Variants in KCNIP4 observed in about 807,000 individuals in gnomAD.
The protein encoded by KCNIP4 is Kv channel-interacting protein 4.
A neutral mutation model predicts 34.0 loss-of-function variants in KCNIP4; 12 were observed. The ratio of observed to expected loss-of-function variants is 0.35; its 90% CI spans 0.23 to 0.57. KCNIP4 has a LOEUF of 0.57. KCNIP4 is among the 20% of genes least tolerant of loss of function. The probability of loss-of-function intolerance (pLI) is 0.83; values close to 1 mark genes in which losing one functional copy is unlikely to be tolerated. For missense variants in KCNIP4, 238 were observed against 311.7 expected, an observed-to-expected ratio of 0.76 and a Z score of 1.78; for synonymous variants, 124 against 102.2, an observed-to-expected ratio of 1.21 and a Z score of -1.29.
At chr4:21,597,819 T>C (rs1481069603) in intron 1 of KCNIP4, among the ~76,000 whole-genome samples, 2 of 152,082 alleles carry the variant, frequency 1.3e-5, no homozygotes, top group Non-Finnish European at 2.9e-5. Context: ...GGATATTGTG[T>C]TTTTCCAGAG....
chr4:21,201,848 C>T (rs1577880026), intron 1 of KCNIP4, among the ~76,000 whole-genome samples: 2 of 152,212 alleles, frequency 1.3e-5, no homozygotes, highest in Non-Finnish European at 2.9e-5. Context: ...TTATCCTTCA[C>T]ACAATAAATA....
intron 1 of KCNIP4, among the ~76,000 whole-genome samples, chr4:21,024,234 A>G (rs922304222): frequency 5.3e-5 from 8 of 152,218 alleles, no homozygotes; most frequent in African/African-American, 1.9e-4. Flanking sequence ...TTGCGACGTC[A>G]TTAGCTAGTA....
At chr4:21,919,622 T>C (rs1476102340) in intron 1 of KCNIP4, among the ~76,000 whole-genome samples, 2 of 152,182 alleles carry the variant, frequency 1.3e-5, no homozygotes, top group Non-Finnish European at 2.9e-5. Flanking sequence ...TGAGTCTATC[T>C]AGATAAATCA....
chr4:21,865,989 T>C (rs1249993427), intron 1 of KCNIP4, among the ~76,000 whole-genome samples: 1 of 151,754 alleles, frequency 6.6e-6, no homozygotes, highest in Non-Finnish European at 1.5e-5. Flanking sequence ...CATCTATCTA[T>C]GAAGTGACTT....
At chr4:21,912,176 T>C (rs1328510269) in intron 1 of KCNIP4, among the ~76,000 whole-genome samples, 1 of 152,190 alleles carries the variant, frequency 6.6e-6, no homozygotes, top group East Asian at 1.9e-4. Context: ...AATATTGTTA[T>C]GGGTATTGGG....
intron 1 of KCNIP4, among the ~76,000 whole-genome samples, chr4:20,936,904 G>A (rs556787605): frequency 1.3e-5 from 2 of 152,198 alleles, no homozygotes; most frequent in African/African-American, 4.8e-5. Flanking sequence ...CTGCGCATCT[G>A]CCCTGTGGCT....
chr4:20,778,502 G>T (rs1756575423), intron 3 of KCNIP4, among the ~76,000 whole-genome samples: 1 of 152,176 alleles, frequency 6.6e-6, no homozygotes, highest in Non-Finnish European at 1.5e-5. Context: ...GGGGAAATCT[G>T]AATAAGATCA....
At chr4:21,916,499 A>T (rs1437929674) in intron 1 of KCNIP4, among the ~76,000 whole-genome samples, 1 of 152,182 alleles carries the variant, frequency 6.6e-6, no homozygotes, top group Non-Finnish European at 1.5e-5. Context: ...ATTCTCCATG[A>T]TTACATGTTT....
At chr4:21,042,171 T>C (rs1052693524) in intron 1 of KCNIP4, among the ~76,000 whole-genome samples, 4 of 152,294 alleles carry the variant, frequency 2.6e-5, no homozygotes, top group African/African-American at 9.6e-5. Context: ...AGGAAGGTCA[T>C]CCAGCAATCC....
At chr4:21,492,037 A>G (rs1732443641) in intron 1 of KCNIP4, among the ~76,000 whole-genome samples, 1 of 152,218 alleles carries the variant, frequency 6.6e-6, no homozygotes, top group South Asian at 2.1e-4. Flanking sequence ...TCTCTACTGT[A>G]TCCAACTAAT....
intron 1 of KCNIP4, among the ~76,000 whole-genome samples, chr4:21,241,851 A>C (rs565300788): frequency 1.3e-5 from 2 of 150,976 alleles, no homozygotes; most frequent in Non-Finnish European, 2.9e-5. Flanking sequence ...ATGCTCGTCT[A>C]TATCATGGGA....
intron 3 of KCNIP4, among the ~76,000 whole-genome samples, chr4:20,828,405 G>A (rs1260839980): frequency 7.2e-5 from 11 of 152,290 alleles, no homozygotes; most frequent in Admixed American, 7.2e-4. Flanking sequence ...CCAGCCTGGC[G>A]ACAGAGCAAG....
intron 1 of KCNIP4, among the ~76,000 whole-genome samples, chr4:20,942,498 G>T (rs1016023121): frequency 3.9e-5 from 6 of 152,130 alleles, no homozygotes; most frequent in Non-Finnish European, 8.8e-5. Context: ...GCACCAGGTG[G>T]TTTGTGCGTA....
chr4:21,255,862 C>G (rs1008500051), intron 1 of KCNIP4, among the ~76,000 whole-genome samples: 1 of 152,130 alleles, frequency 6.6e-6, no homozygotes, highest in African/African-American at 2.4e-5. Flanking sequence ...AACCCGGATG[C>G]TTTATTCATT....
chr4:20,747,936 A>G (rs1344632458), intron 5 of KCNIP4, among the ~76,000 whole-genome samples: 1 of 152,016 alleles, frequency 6.6e-6, no homozygotes, highest in Admixed American at 6.6e-5. Flanking sequence ...TAAACATGAC[A>G]GTTCTGTTGG....
At chr4:20,913,638 T>C (rs559328475) in intron 1 of KCNIP4, among the ~76,000 whole-genome samples, 3 of 152,180 alleles carry the variant, frequency 2.0e-5, no homozygotes, top group Non-Finnish European at 2.9e-5. Flanking sequence ...CCTTCTCCAA[T>C]TACACTACTG....
chr4:21,880,548 G>T (rs1281764741), intron 1 of KCNIP4, among the ~76,000 whole-genome samples: 2 of 152,058 alleles, frequency 1.3e-5, no homozygotes, highest in African/African-American at 4.8e-5. Context: ...ATCTTTATTA[G>T]TCATAGTTCT....
intron 1 of KCNIP4, among the ~76,000 whole-genome samples, chr4:21,809,421 G>T (rs1721492356): frequency 6.6e-6 from 1 of 152,180 alleles, no homozygotes; most frequent in Non-Finnish European, 1.5e-5. Flanking sequence ...TCTCCAGCTT[G>T]CAGATGGCAG....
chr4:21,708,825 A>G (rs1169820701), intron 1 of KCNIP4, among the ~76,000 whole-genome samples: 1 of 152,220 alleles, frequency 6.6e-6, no homozygotes, highest in Non-Finnish European at 1.5e-5. Flanking sequence ...GGACTCACAC[A>G]GATTTGGTAA....
Sources: gnomAD v4.1 joint callset for allele counts (sites outside exome capture counted in the v4.1 genomes callset) on GRCh38, gnomAD v4.1.1 for gene constraint, MANE v1.5 for transcripts, NCBI Gene and HGNC (gene_info 2026-07-23, HGNC 2026-07-21) for gene names.